ITPR2: variants seen among roughly 807,000 people sequenced by gnomAD.
ITPR2 encodes inositol 1,4,5-trisphosphate-gated calcium channel ITPR2.
ITPR2 carries 207 observed loss-of-function variants against 317.1 expected under a neutral mutation model. That is an observed-to-expected ratio of 0.65 (90% CI 0.58 to 0.73). The LOEUF is 0.73. Among genes scored for constraint, ITPR2 ranks in the 30% least tolerant of loss-of-function variants. ITPR2 has a pLI of 0.00. For synonymous variants in ITPR2, 1,156 were observed against 1,149.1 expected, an observed-to-expected ratio of 1.01 and a Z score of -0.12; for missense variants, 2,613 against 3,284.0, an observed-to-expected ratio of 0.80 and a Z score of 4.99.
At chr12:26,500,203 C>T (rs1047403653) in intron 37 of ITPR2, among the ~76,000 whole-genome samples, 1 of 152,168 alleles carries the variant, frequency 6.6e-6, no homozygotes, top group African/African-American at 2.4e-5. Context: ...GTGGTGGTAG[C>T]TTAAATGTGA....
chr12:26,360,511 G>A (rs1182870254), intron 55 of ITPR2, among the ~76,000 whole-genome samples: 3 of 152,164 alleles, frequency 2.0e-5, no homozygotes, highest in African/African-American at 4.8e-5. Context: ...GATTACAGGA[G>A]GTGTCTACAG....
rs1169139201 is a variant in ITPR2, at chr12:26,391,567, T to C, written c.7697-3973A>G. ...TTCTTCTTCTTTTCCTTTTTTTTTTTTTTTTTTTTTTTTTTTTGACAGAGT... is the reference window on the plus strand; with the variant it reads ...TTCTTCTTCTTTTCCTTTTTTTTTTCTTTTTTTTTTTTTTTTTGACAGAGT... On this transcript the variant is annotated intron_variant, in intron 54 of 56. Coordinates refer to ENST00000381340, the MANE Select transcript of ITPR2 (RefSeq NM_002223.4). Among the ~76,000 whole-genome samples the C allele has an allele frequency of 1.1e-4, 15 of 130,910 alleles. 1 individual carries two copies. The highest frequency in any genetic ancestry group is 1.8e-4 in the Non-Finnish European group (11 of 61,642). 85.9% of individuals were successfully genotyped at this position (130,910 alleles called of 152,430 possible).
Position 26,722,477 on chromosome 12 carries a change from C to T in ITPR2, c.445G>A (p.Val149Met). 1 of 1,613,256 alleles carries T rather than the reference C, an allele frequency of 6.2e-7. No individual in the cohort carries two copies. Among genetic ancestry groups the T allele is most frequent in the Non-Finnish European group, 8.5e-7 (1 of 1,179,436 alleles). ...PALLEKNAMR[V>M]SLDAAGNEGS... ...TCATTTCCTGCAGCATCCAAGGACACACGCATGGCATTCTTCTCCAGTAAA... is the reference window on the plus strand; with the variant it reads ...TCATTTCCTGCAGCATCCAAGGACATACGCATGGCATTCTTCTCCAGTAAA... The change falls in exon 5 of 57, where the codon GTG becomes ATG. Residue 149 changes from valine (V) to methionine (M), a missense_variant. Physicochemically the swap from Val to Met is conservative, Grantham distance 21 (BLOSUM62 1). This residue lies in a region of ITPR2 where 515 missense variants were observed against 789.4 expected (regional missense o/e 0.65). Coordinates refer to ENST00000381340, the MANE Select transcript of ITPR2 (RefSeq NM_002223.4).
At chr12:26,354,117 T>C (rs1178315395) in intron 55 of ITPR2, among the ~76,000 whole-genome samples, 2 of 151,956 alleles carry the variant, frequency 1.3e-5, no homozygotes, top group African/African-American at 4.8e-5. Context: ...CTACTAAAAA[T>C]ACAAAAATTA....
intron 13 of ITPR2, among the ~76,000 whole-genome samples, chr12:26,675,754 T>G (rs1947893981): frequency 6.6e-6 from 1 of 152,180 alleles, no homozygotes; most frequent in South Asian, 2.1e-4. Flanking sequence ...ACAAGTCTAT[T>G]GACAGCAGAT....
At position 26,831,931 on chromosome 12, in the gene ITPR2, A is replaced by T. The variant is rs11608910; in HGVS notation, c.92+759T>A. Among the ~76,000 whole-genome samples, 23,435 of 146,930 alleles carry T rather than the reference A, an allele frequency of 0.16. 2,235 individuals carry two copies. The highest frequency in any genetic ancestry group is 0.21 in the East Asian group (1,074 of 5,064). ...TACATATATGTGTATATATATATAT[A>T]TTTTTCCCCCCATTCAACTCGAATC... is the stretch of plus-strand genomic sequence containing the variant. On this transcript the variant is annotated intron_variant, in intron 1 of 56. Transcript: ENST00000381340. This position sits in a 1 kb window ranked among gnomAD's most constrained non-coding sequence, Gnocchi z 4.9.
chr12:26,740,269 C>T (rs923665105), intron 2 of ITPR2, among the ~76,000 whole-genome samples: 9 of 152,096 alleles, frequency 5.9e-5, no homozygotes, highest in Admixed American at 2.0e-4. Context: ...AGGGTCCCAA[C>T]GAACAAAATT....
chr12:26,722,359 T>A (rs201241358), intron 5 of ITPR2, 38 bp downstream of exon 5: 2 of 1,530,518 alleles, frequency 1.3e-6, no homozygotes, highest in African/African-American at 2.8e-5. Flanking sequence ...ATTTTCTTTA[T>A]GAACCCACTA....
chr12:26,486,212 A>C lies in ITPR2; in HGVS notation c.5703T>G (p.Thr1901=), dbSNP rs1257739077. The C allele has an allele frequency of 6.2e-7, 1 of 1,614,138 alleles. No homozygotes were observed. Among genetic ancestry groups the C allele is most frequent in the East Asian group, 2.2e-5 (1 of 44,874 alleles). ...TTACTTCCTCTGCGGATTTTTCCTC[A>C]GTGTTTCCCGCTTCTGGTCCTGTGC... is the stretch of plus-strand genomic sequence containing the variant. ...IMCTGPEAGN[T]EEKSAEEVTM... is the part of the protein sequence containing the mutation. The change falls in exon 41 of 57, where the codon ACT becomes ACG. Residue 1901 remains threonine, a synonymous_variant. Coordinates refer to ENST00000381340, the MANE Select transcript of ITPR2 (RefSeq NM_002223.4).
At chr12:26,753,445 T>C (rs1949463824) in intron 2 of ITPR2, among the ~76,000 whole-genome samples, 1 of 152,166 alleles carries the variant, frequency 6.6e-6, no homozygotes, top group Non-Finnish European at 1.5e-5. Flanking sequence ...TGAGAGCTGA[T>C]GGGACTGCTG....
At chr12:26,707,691 G>A (rs1948577338) in intron 9 of ITPR2, among the ~76,000 whole-genome samples, 2 of 152,222 alleles carry the variant, frequency 1.3e-5, no homozygotes, top group African/African-American at 4.8e-5. Context: ...CCGCCATCAT[G>A]CCTGGCTAAT....
At chr12:26,673,526 G>A (rs1024628116) in intron 13 of ITPR2, among the ~76,000 whole-genome samples, 28 of 151,150 alleles carry the variant, frequency 1.9e-4, no homozygotes, top group Admixed American at 5.3e-4. Flanking sequence ...AATAAATTAG[G>A]TATTGATGGG....
At chr12:26,694,925 AG>A (rs1672464859) in intron 10 of ITPR2, among the ~76,000 whole-genome samples, 2 of 152,196 alleles carry the variant, frequency 1.3e-5, no homozygotes, top group Non-Finnish European at 2.9e-5. Flanking sequence ...GGGGTCAAAC[AG>A]GGTTGAATGA....
chr12:26,507,675 C>T (rs1374278403), intron 37 of ITPR2, among the ~76,000 whole-genome samples: 1 of 152,146 alleles, frequency 6.6e-6, no homozygotes, highest in Non-Finnish European at 1.5e-5. Context: ...ATGAAACATT[C>T]TCAGGCTGAA....
intron 17 of ITPR2, 21 bp from the exon 18 acceptor site, chr12:26,657,913 CA>C: frequency 3.7e-6 from 6 of 1,608,602 alleles, no homozygotes; most frequent in Non-Finnish European, 4.2e-6. Flanking sequence ...ATAGCACATA[CA>C]AAAATCTACT....
intron 5 of ITPR2, among the ~76,000 whole-genome samples, chr12:26,719,237 T>C (rs958417731): frequency 6.6e-6 from 1 of 152,170 alleles, no homozygotes; most frequent in African/African-American, 2.4e-5. Flanking sequence ...ATATGAAATA[T>C]GGTAATATTT....
intron 2 of ITPR2, among the ~76,000 whole-genome samples, chr12:26,731,868 C>A (rs370517044): frequency 1.3e-5 from 2 of 152,248 alleles, no homozygotes; most frequent in East Asian, 3.9e-4. Context: ...GGAATGCATT[C>A]ATTAGCTGAA....
At chr12:26,799,985 T>C (rs2137237672) in intron 1 of ITPR2, among the ~76,000 whole-genome samples, 1 of 152,288 alleles carries the variant, frequency 6.6e-6, no homozygotes, top group East Asian at 1.9e-4. Flanking sequence ...TTTACCACCA[T>C]CACACTGTCA....
rs1175864237 is a variant in ITPR2, at chr12:26,790,143, T to A, written c.163+14A>T. ...CTTAGCTCACACAATTAAAAAAATA[T>A]ATGTATTTCTTACCTCTGAACTTCT... On this transcript the variant is annotated intron_variant, in intron 2 of 56. Coordinates refer to ENST00000381340, the MANE Select transcript of ITPR2 (RefSeq NM_002223.4). 6.4e-7 allele frequency: 1 copy of A among 1,571,016 alleles called. No homozygotes were observed. Among genetic ancestry groups the A allele is most frequent in the Non-Finnish European group, 8.8e-7 (1 of 1,140,864 alleles).
Sources: gnomAD v4.1 joint callset for allele counts (sites outside exome capture counted in the v4.1 genomes callset) on GRCh38, gnomAD v4.1.1 for gene constraint, gnomAD v4.1.1 regional missense constraint, Gnocchi (gnomAD v3.1) non-coding constraint, MANE v1.5 for transcripts, NCBI Gene and HGNC (gene_info 2026-07-23, HGNC 2026-07-21) for gene names.